Variants in DAPK1 observed in about 807,000 individuals in gnomAD.
DAPK1 encodes death-associated protein kinase 1.
DAPK1 carries 56 observed loss-of-function variants against 144.9 expected under a neutral mutation model. The ratio of observed to expected loss-of-function variants is 0.39; its 90% confidence interval spans 0.31 to 0.48. DAPK1 has a LOEUF of 0.48. DAPK1 is among the 20% of genes least tolerant of loss of function. The pLI is 0.95. For synonymous variants in DAPK1, 690 were observed against 749.0 expected (o/e 0.92, Z 1.29); for missense variants, 1,454 against 1,875.4 (o/e 0.78, Z 4.15).
chr9:87,705,866 T>C (rs1032061616), intron 25 of DAPK1, among the ~76,000 whole-genome samples: 1 of 107,704 alleles, frequency 9.3e-6, no homozygotes, highest in Non-Finnish European at 1.7e-5. Flanking sequence ...CCATCTCCCA[T>C]TTTTTTTTCT....
intron 2 of DAPK1, among the ~76,000 whole-genome samples, chr9:87,592,208 T>C (rs1828161937): frequency 6.6e-6 from 1 of 152,166 alleles, no homozygotes; most frequent in Non-Finnish European, 1.5e-5. Flanking sequence ...CAGAGCTCCT[T>C]AGCCCCCAGC....
At chr9:87,577,847 C>T (rs1827620283) in intron 2 of DAPK1, among the ~76,000 whole-genome samples, 1 of 152,080 alleles carries the variant, frequency 6.6e-6, no homozygotes, top group Non-Finnish European at 1.5e-5. Flanking sequence ...CTGTGTGTAA[C>T]CAGGATCGAA....
intron 2 of DAPK1, among the ~76,000 whole-genome samples, chr9:87,534,650 C>CTTTT (rs546312068): frequency 6.9e-6 from 1 of 145,392 alleles, no homozygotes; most frequent in Non-Finnish European, 1.5e-5. Flanking sequence ...GATTTCTTTT[C>CTTTT]TTTTTTTTTT....
At chr9:87,669,417 A>G (rs1313744460) in intron 19 of DAPK1, among the ~76,000 whole-genome samples, 1 of 152,150 alleles carries the variant, frequency 6.6e-6, no homozygotes, top group Non-Finnish European at 1.5e-5. Context: ...GTTAAAATCC[A>G]TAGAAAGAAA....
intron 3 of DAPK1, chr9:87,632,922 A>ATATATATATAT: frequency 1.1e-6 from 1 of 923,316 alleles, no homozygotes; most frequent in Non-Finnish European, 1.3e-6. Flanking sequence ...ATATATATAT[A>ATATATATATAT]AATGAAGGGT....
Position 87,707,786 on chromosome 9 carries a change from C to G in DAPK1, c.*422C>G. 2.2e-6 allele frequency: 1 copy of G among 455,418 alleles called. No individual in the cohort carries two copies. The highest frequency in any genetic ancestry group is 1.6e-5 in the South Asian group (1 of 63,294). The allele number at this position is 455,418 out of a possible 1,614,324, so 28.2% of individuals were successfully genotyped here. Reference sequence around the variant, plus strand: ...TTATCCAAAATGTGTATTTCTTATACGCTTTTCTTTGTTATACCATTTCCT... The same window carrying G: ...TTATCCAAAATGTGTATTTCTTATAGGCTTTTCTTTGTTATACCATTTCCT... On this transcript the variant is annotated 3_prime_UTR_variant, in exon 26 of 26. Transcript: ENST00000408954. This position sits in a 1 kb window ranked among gnomAD's most constrained non-coding sequence, Gnocchi z 4.0.
chr9:87,673,633 ACT>A (rs1321604370), intron 19 of DAPK1, among the ~76,000 whole-genome samples: 2 of 151,714 alleles, frequency 1.3e-5, no homozygotes, highest in African/African-American at 4.8e-5. Context: ...CATGGGATCG[ACT>A]CTGACGCACC....
At chr9:87,703,286 G>A (rs1413247908) in intron 25 of DAPK1, 69 bp downstream of exon 25, 11 of 853,740 alleles carry the variant, frequency 1.3e-5, no homozygotes, top group Non-Finnish European at 1.7e-5. Flanking sequence ...CCAAATTCCA[G>A]CTCTTGGAAG....
chr9:87,504,123 C>T (rs976113384), intron 2 of DAPK1, among the ~76,000 whole-genome samples: 20 of 152,044 alleles, frequency 1.3e-4, no homozygotes, highest in Non-Finnish European at 2.4e-4. Context: ...CGCAGGCCAC[C>T]GGTGGGTTTC....
At chr9:87,538,127 T>G (rs1161095392) in intron 2 of DAPK1, among the ~76,000 whole-genome samples, 1 of 152,216 alleles carries the variant, frequency 6.6e-6, no homozygotes, top group African/African-American at 2.4e-5. Context: ...AGACAATAGT[T>G]GTGGAATCTT....
chr9:87,706,930 T>C lies in DAPK1; in HGVS notation c.3859T>C (p.Cys1287Arg). Reference protein sequence around the residue: ...ESFSSIMCFGCHDVYSQASLG... With the variant: ...ESFSSIMCFGRHDVYSQASLG... ...CTTCAGCAGCATCATGTGCTTCGGG[T>C]GTCACGACGTCTACTCACAGGCCAG... Residue 1287 changes from cysteine to arginine, a missense_variant, in exon 26 of 26, where the codon TGT becomes CGT. Transcript: ENST00000408954. This position sits in a 1 kb window ranked among gnomAD's most constrained non-coding sequence, Gnocchi z 9.0. 1 of 1,613,660 alleles carries C rather than the reference T, an allele frequency of 6.2e-7. No homozygotes were observed.
chr9:87,602,998 T>C (rs1828582272), intron 2 of DAPK1, among the ~76,000 whole-genome samples: 1 of 151,980 alleles, frequency 6.6e-6, no homozygotes, highest in Non-Finnish European at 1.5e-5. Flanking sequence ...CTACTGAGTG[T>C]GCCTTGAGTT....
chr9:87,660,212 G>A (rs932872496), intron 18 of DAPK1, among the ~76,000 whole-genome samples: 1 of 152,066 alleles, frequency 6.6e-6, no homozygotes, highest in Non-Finnish European at 1.5e-5. Flanking sequence ...AGGGTGAGCA[G>A]AGCTTGGTGG....
At chr9:87,619,329 T>C (rs1018802782) in intron 3 of DAPK1, among the ~76,000 whole-genome samples, 4 of 152,212 alleles carry the variant, frequency 2.6e-5, no homozygotes, top group African/African-American at 9.7e-5. Context: ...GTGCCAGTAT[T>C]TTACTGATTT....
intron 4 of DAPK1, among the ~76,000 whole-genome samples, chr9:87,639,038 C>T (rs1829996293): frequency 6.6e-6 from 1 of 152,158 alleles, no homozygotes; most frequent in East Asian, 1.9e-4. Context: ...TCCTTTTCCT[C>T]TCCCATTCCC....
At chr9:87,666,049 CAGAGAT>C (rs1158470232) in intron 18 of DAPK1, among the ~76,000 whole-genome samples, 10 of 152,340 alleles carry the variant, frequency 6.6e-5, no homozygotes, top group African/African-American at 2.2e-4. Flanking sequence ...GACCAAAATG[CAGAGAT>C]CTGACTTCTG....
rs1390447863 is a variant in DAPK1, at chr9:87,639,343, T to C, written c.424-11T>C. 6.3e-7 allele frequency: 1 copy of C among 1,586,694 alleles called. No individual in the cohort carries two copies. Among genetic ancestry groups the C allele is most frequent in the Admixed American group, 1.9e-5 (1 of 52,274 alleles). ...TCATAGCTTTTTATTTATCTCTCTCTTTTTTTCAAGCCTGAGAACATAATG... is the reference window on the plus strand; with the variant it reads ...TCATAGCTTTTTATTTATCTCTCTCCTTTTTTCAAGCCTGAGAACATAATG... On this transcript the variant is annotated splice_polypyrimidine_tract_variant and intron_variant, in intron 4 of 25. Transcript: ENST00000408954.
At chr9:87,634,257 G>T (rs969371940) in intron 3 of DAPK1, among the ~76,000 whole-genome samples, 3 of 152,204 alleles carry the variant, frequency 2.0e-5, no homozygotes, top group Non-Finnish European at 4.4e-5. Flanking sequence ...AGTTTGGCAG[G>T]CCCTGTTATG....
intron 2 of DAPK1, among the ~76,000 whole-genome samples, chr9:87,576,644 G>A (rs1318378318): frequency 9.2e-5 from 14 of 152,014 alleles, no homozygotes; most frequent in Admixed American, 3.3e-4. Context: ...TGCAACCTCC[G>A]CTTCCCAGGT....
Sources: allele counts gnomAD v4.1 joint callset (sites outside exome capture counted in the v4.1 genomes callset), GRCh38; gene constraint gnomAD v4.1.1; non-coding constraint Gnocchi (gnomAD v3.1); transcripts MANE v1.5; gene names NCBI Gene and HGNC (gene_info 2026-07-23, HGNC 2026-07-21).